The following BMP3 variants were observed in gnomAD, a reference collection of about 807,000 sequenced individuals.
The protein encoded by BMP3 is bone morphogenetic protein 3 (osteogenic).
A neutral mutation model predicts 38.1 loss-of-function variants in BMP3; 23 were observed. The observed-to-expected ratio is 0.60, with a 90% CI of 0.43 to 0.86. The LOEUF is 0.86. Ranked by LOEUF, BMP3 falls within the 40% of genes least tolerant of loss-of-function variation. BMP3 has a pLI of 0.00. For synonymous variants in BMP3, 258 were observed against 225.7 expected (o/e 1.14, Z -1.28); for missense variants, 628 against 579.6 (o/e 1.08, Z -0.86).
intron 1 of BMP3, among the ~76,000 whole-genome samples, chr4:81,042,870 C>T (rs549340307): frequency 2.4e-4 from 36 of 152,116 alleles, no homozygotes; most frequent in African/African-American, 6.8e-4. Context: ...GTATATGCTC[C>T]GGTGACTGGT....
chr4:81,051,294 A>T (rs1740394998), intron 2 of BMP3, among the ~76,000 whole-genome samples: 1 of 152,160 alleles, frequency 6.6e-6, no homozygotes, highest in African/African-American at 2.4e-5. Context: ...ACAGAAATGG[A>T]TAAAAATGGA....
At chr4:81,038,959 A>G (rs1560510837) in intron 1 of BMP3, among the ~76,000 whole-genome samples, 1 of 151,956 alleles carries the variant, frequency 6.6e-6, no homozygotes, top group African/African-American at 2.4e-5. Flanking sequence ...AACATACATC[A>G]TATCATCTTT....
In BMP3 at chr4:81,054,780, C is replaced by T. The variant is rs1262157906; in HGVS notation, c.*1244C>T. 6.6e-6 allele frequency: 1 copy of T among 152,166 alleles called. No individual in the cohort carries two copies. The highest frequency in any genetic ancestry group is 1.5e-5 in the Non-Finnish European group (1 of 68,020). The allele number at this position is 152,166 out of a possible 1,614,324, so 9.4% of individuals were successfully genotyped here. ...ATATGTGTCCTCTTATAACTTTAGTCTTCAAAATTATTTCAATATCCTTCT... is the reference window on the plus strand; with the variant it reads ...ATATGTGTCCTCTTATAACTTTAGTTTTCAAAATTATTTCAATATCCTTCT... On this transcript the variant is annotated 3_prime_UTR_variant, in exon 3 of 3. Coordinates refer to ENST00000282701, the MANE Select transcript of BMP3 (RefSeq NM_001201.5).
rs1049012055 is a variant in BMP3 at position 81,057,059 on chromosome 4, T to C, written c.*3523T>C. 1 of 152,526 alleles carries C rather than the reference T, an allele frequency of 6.6e-6. No individual in the cohort carries two copies. Among genetic ancestry groups the C allele is most frequent in the Admixed American group, 6.6e-5 (1 of 15,266 alleles). 9.4% of individuals were successfully genotyped at this position (152,526 alleles called of 1,614,324 possible). ...AGAAATCTTGGGTAAGTTGGACTTT[T>C]CTGTATAGCTCTTTTTTCCTCTGAG... On this transcript the variant is annotated 3_prime_UTR_variant, in exon 3 of 3. Transcript: ENST00000282701.
chr4:81,035,504 T>G (rs1405484363), intron 1 of BMP3, among the ~76,000 whole-genome samples: 1 of 152,076 alleles, frequency 6.6e-6, no homozygotes, highest in Non-Finnish European at 1.5e-5. Context: ...TTCTAAAAAT[T>G]AAATAGGGAC....
rs1318290333 is a variant in BMP3 at position 81,036,114 on chromosome 4, T to C, written c.316+4514T>C. Reference sequence around the variant, plus strand: ...ATTAAATTTTATTTTTTCCTATATCTTTATGAGTTCTCCTTCATTATTTTC... The same window carrying C: ...ATTAAATTTTATTTTTTCCTATATCCTTATGAGTTCTCCTTCATTATTTTC... On this transcript the variant is annotated intron_variant, in intron 1 of 2. Coordinates refer to ENST00000282701, the MANE Select transcript of BMP3 (RefSeq NM_001201.5). 2.6e-5 allele frequency among the ~76,000 whole-genome samples: 4 copies of C among 152,182 alleles called. No individual in the cohort carries two copies. In the South Asian group the frequency reaches 8.3e-4, roughly 31 times the overall value.
At chr4:81,048,181 T>C (rs1035781339) in intron 2 of BMP3, among the ~76,000 whole-genome samples, 1 of 152,136 alleles carries the variant, frequency 6.6e-6, no homozygotes. Flanking sequence ...TCATAAAGGA[T>C]ATTTTACTGA....
chr4:81,032,908 C>T lies in BMP3; in HGVS notation c.316+1308C>T, dbSNP rs77137623. 3.2e-3 allele frequency among the ~76,000 whole-genome samples: 482 copies of T among 152,298 alleles called. 3 individuals are homozygous for T. Among genetic ancestry groups the T allele is most frequent in the African/African-American group, 0.01 (436 of 41,554 alleles). ...CCATGAGCATGATCTGTGAGGAGAGCGCCACCAGTAAGGAAAAAGAAACCT... is the reference window on the plus strand; with the variant it reads ...CCATGAGCATGATCTGTGAGGAGAGTGCCACCAGTAAGGAAAAAGAAACCT... On this transcript the variant is annotated intron_variant, in intron 1 of 2. Coordinates refer to ENST00000282701, the MANE Select transcript of BMP3 (RefSeq NM_001201.5).
At chr4:81,051,845 A>G (rs1324930760) in intron 2 of BMP3, among the ~76,000 whole-genome samples, 1 of 152,190 alleles carries the variant, frequency 6.6e-6, no homozygotes, top group Admixed American at 6.5e-5. Context: ...TCTCTAGGAA[A>G]AAAAAGTAAG....
chr4:81,041,861 T>C (rs1578296207), intron 1 of BMP3, among the ~76,000 whole-genome samples: 1 of 152,174 alleles, frequency 6.6e-6, no homozygotes, highest in Non-Finnish European at 1.5e-5. Context: ...TCTTTGCCTC[T>C]ACCTGGGTAA....
chr4:81,031,060 G>A lies in BMP3; in HGVS notation c.-225G>A. The A allele has an allele frequency of 5.5e-6, 3 of 546,868 alleles. No homozygotes were observed. Among genetic ancestry groups the A allele is most frequent in the Non-Finnish European group, 3.2e-6 (1 of 315,838 alleles). The allele number at this position is 546,868 out of a possible 1,614,324, so 33.9% of individuals were successfully genotyped here. A position where few individuals can be genotyped will look rare whatever the true frequency, so the allele number is the denominator to read the frequency against. ...CGCCCGCAGCGCCCTGCGCGGGTGA[G>A]GTCCGCGCAGCTGCTGGGGAAGAGC... On this transcript the variant is annotated 5_prime_UTR_variant, in exon 1 of 3. Coordinates refer to ENST00000282701, the MANE Select transcript of BMP3 (RefSeq NM_001201.5).
At chr4:81,041,510 C>G (rs1740076079) in intron 1 of BMP3, among the ~76,000 whole-genome samples, 1 of 152,020 alleles carries the variant, frequency 6.6e-6, no homozygotes, top group African/African-American at 2.4e-5. Context: ...GCAGAGATCC[C>G]TAGCCTAGGT....
chr4:81,050,876 G>A (rs1740384979), intron 2 of BMP3, among the ~76,000 whole-genome samples: 1 of 152,092 alleles, frequency 6.6e-6, no homozygotes, highest in African/African-American at 2.4e-5. Context: ...AAAGAGTCAT[G>A]AGAAACATGA....
chr4:81,031,095 A>T lies in BMP3; in HGVS notation c.-190A>T. The T allele has an allele frequency of 1.6e-6, 1 of 608,560 alleles. No individual in the cohort carries two copies. Among genetic ancestry groups the T allele is most frequent in the Non-Finnish European group, 2.8e-6 (1 of 361,996 alleles). The allele number at this position is 608,560 out of a possible 1,614,324, so 37.7% of individuals were successfully genotyped here. Reference sequence around the variant, plus strand: ...GCTGCTGGGGAAGAGCCCACCTGTCAGGCTGCGCTGGGTCAGCGCAGCAAG... The same window carrying T: ...GCTGCTGGGGAAGAGCCCACCTGTCTGGCTGCGCTGGGTCAGCGCAGCAAG... On this transcript the variant is annotated 5_prime_UTR_variant, in exon 1 of 3. Coordinates refer to ENST00000282701, the MANE Select transcript of BMP3 (RefSeq NM_001201.5).
At chr4:81,044,169 C>T (rs867098723) in intron 1 of BMP3, among the ~76,000 whole-genome samples, 6 of 152,080 alleles carry the variant, frequency 3.9e-5, no homozygotes, top group Non-Finnish European at 8.8e-5. Flanking sequence ...GTTTGTAGCC[C>T]GTAGGCTATA....
Position 81,046,306 on chromosome 4 carries a change from G to A in BMP3, c.885G>A (p.Leu295=). ...RRKKRSTGVL[L]PLQNNELPGA... is the part of the protein sequence containing the mutation. Reference sequence around the variant, plus strand: ...AGAAGCGCTCTACTGGGGTCTTGCTGCCTCTGCAGAACAACGAGCTTCCTG... The same window carrying A: ...AGAAGCGCTCTACTGGGGTCTTGCTACCTCTGCAGAACAACGAGCTTCCTG... The change falls in exon 2 of 3, where the codon CTG becomes CTA. Residue 295 remains leucine (L), a synonymous_variant. Coordinates refer to ENST00000282701, the MANE Select transcript of BMP3 (RefSeq NM_001201.5). 4.3e-6 allele frequency: 7 copies of A among 1,614,082 alleles called. No individual in the cohort carries two copies. The highest frequency in any genetic ancestry group is 5.9e-6 in the Non-Finnish European group (7 of 1,180,016).
At chr4:81,036,264 C>G (rs1188202438) in intron 1 of BMP3, among the ~76,000 whole-genome samples, 1 of 151,904 alleles carries the variant, frequency 6.6e-6, no homozygotes, top group African/African-American at 2.4e-5. Context: ...ATCACCATTA[C>G]TACCTTGATG....
rs769931039 is a variant in BMP3, at chr4:81,046,414, G to T, written c.993G>T (p.Lys331Asn). The T allele has an allele frequency of 2.4e-5, 38 of 1,613,602 alleles. No homozygotes were observed. The African/African-American group carries it at 4.5e-4, about 19-fold the overall frequency. The stretch of plus-strand genomic sequence containing the variant: ...CCCTTCAGGCTCAGGCCCCTGAAAA[G>T]AGTAAGAATAAAAAGAAACAGAGAA... Reference protein sequence around the residue: ...YKTLQAQAPEKSKNKKKQRKG... With the variant: ...YKTLQAQAPENSKNKKKQRKG... The change falls in exon 2 of 3, where the codon AAG becomes AAT. Residue 331 changes from lysine (K) to asparagine (N), a missense_variant. Lys to Asn is a moderately conservative substitution (Grantham distance 94). Transcript: ENST00000282701.
chr4:81,031,359 G>T lies in BMP3; in HGVS notation c.75G>T (p.Pro25=). 6.2e-7 allele frequency: 1 copy of T among 1,612,958 alleles called. No homozygotes were observed. The highest frequency in any genetic ancestry group is 8.5e-7 in the Non-Finnish European group (1 of 1,179,674). The part of the protein sequence containing the change: ...FCVSLAQGER[P]KPPFPELRKA... ...TGAGCCTGGCGCAGGGAGAGAGACC[G>T]AAGCCACCTTTCCCGGAGCTCCGCA... The change falls in exon 1 of 3, where the codon CCG becomes CCT. Residue 25 remains proline (P), a synonymous_variant. Coordinates refer to ENST00000282701, the MANE Select transcript of BMP3 (RefSeq NM_001201.5).
Sources: gnomAD v4.1 joint callset for allele counts (sites outside exome capture counted in the v4.1 genomes callset) on GRCh38, gnomAD v4.1.1 for gene constraint, MANE v1.5 for transcripts, NCBI Gene and HGNC (gene_info 2026-07-23, HGNC 2026-07-21) for gene names.